LRRC4C: variants seen among roughly 807,000 people sequenced by gnomAD.
LRRC4C encodes leucine rich repeat containing 4C.
In LRRC4C, 5 loss-of-function variants were observed where a neutral mutation model predicts 33.6. The observed-to-expected ratio is 0.15, with a 90% CI of 0.08 to 0.31. LRRC4C has a LOEUF of 0.31. Among genes scored for constraint, LRRC4C ranks in the 10% least tolerant of loss-of-function variants. The probability of loss-of-function intolerance (pLI) is 1.00; values close to 1 mark genes in which losing one functional copy is unlikely to be tolerated. For synonymous variants in LRRC4C, 329 were observed against 302.0 expected (o/e 1.09, Z -0.93); for missense variants, 560 against 796.7 (o/e 0.70, Z 3.58).
intron 1 of LRRC4C, among the ~76,000 whole-genome samples, chr11:41,027,645 G>A (rs1422427179): frequency 6.6e-6 from 1 of 151,494 alleles, no homozygotes; most frequent in Non-Finnish European, 1.5e-5. Context: ...CTTTCTCCTA[G>A]GAAAACAACT....
intron 3 of LRRC4C, among the ~76,000 whole-genome samples, chr11:40,473,522 A>T (rs1245869893): frequency 6.6e-6 from 1 of 152,190 alleles, no homozygotes; most frequent in Non-Finnish European, 1.5e-5. Flanking sequence ...AACTGGAAGC[A>T]TTCCCTTTGA....
At chr11:40,584,881 G>A (rs894721054) in intron 3 of LRRC4C, among the ~76,000 whole-genome samples, 6 of 150,394 alleles carry the variant, frequency 4.0e-5, no homozygotes, top group Middle Eastern at 3.2e-3. Flanking sequence ...GCAGTGAGCC[G>A]AGATCATGCC....
Position 40,978,624 on chromosome 11 carries a change from G to GTT in LRRC4C, c.-495-44903_-495-44902dup, listed in dbSNP as rs80021460. Among the ~76,000 whole-genome samples the GTT allele has an allele frequency of 2.7e-3, 372 of 138,236 alleles. 1 individual carries two copies. Among genetic ancestry groups the GTT allele is most frequent in the African/African-American group, 8.2e-3 (311 of 37,756 alleles). 90.7% of individuals were successfully genotyped at this position (138,236 alleles called of 152,430 possible). A position where few individuals can be genotyped will look rare whatever the true frequency, so the allele number is the denominator to read the frequency against. On this transcript the variant is annotated intron_variant, in intron 1 of 6. Transcript: ENST00000528697. ...TCTCATGCCCCTCTTTCTTTTTACT[G>GTT]TTTTTTTTTTTTTTTGATATGGAGT...
intron 4 of LRRC4C, among the ~76,000 whole-genome samples, chr11:40,290,883 G>A (rs1203731160): frequency 6.6e-6 from 1 of 152,066 alleles, no homozygotes; most frequent in Non-Finnish European, 1.5e-5. Context: ...CAGGACCAAT[G>A]TGCCTTCCTT....
At chr11:40,673,216 T>C (rs1453614116) in intron 2 of LRRC4C, among the ~76,000 whole-genome samples, 1 of 152,166 alleles carries the variant, frequency 6.6e-6, no homozygotes, top group Non-Finnish European at 1.5e-5. Flanking sequence ...AGCTGAACTT[T>C]AGGAAACATT....
At chr11:40,958,884 C>T (rs1041832721) in intron 1 of LRRC4C, among the ~76,000 whole-genome samples, 2 of 151,616 alleles carry the variant, frequency 1.3e-5, no homozygotes, top group Non-Finnish European at 3.0e-5. Flanking sequence ...CATGTCACTG[C>T]TGGGCAAGTT....
chr11:40,391,483 C>A (rs1378370695), intron 3 of LRRC4C, among the ~76,000 whole-genome samples: 1 of 152,242 alleles, frequency 6.6e-6, no homozygotes, highest in African/African-American at 2.4e-5. Flanking sequence ...CTGTGATGTA[C>A]CACTATTGTC....
At chr11:41,396,649 G>A (rs1953829130) in intron 1 of LRRC4C, among the ~76,000 whole-genome samples, 1 of 151,966 alleles carries the variant, frequency 6.6e-6, no homozygotes. Context: ...GTGCAGGTTT[G>A]TTATACAGGT....
chr11:40,426,915 T>C (rs1389919172), intron 3 of LRRC4C, among the ~76,000 whole-genome samples: 1 of 152,332 alleles, frequency 6.6e-6, no homozygotes, highest in African/African-American at 2.4e-5. Context: ...CTCTTTTTTC[T>C]GGTCAAGTTT....
intron 3 of LRRC4C, among the ~76,000 whole-genome samples, chr11:40,504,782 T>A (rs1056520590): frequency 6.6e-6 from 1 of 152,170 alleles, no homozygotes; most frequent in Non-Finnish European, 1.5e-5. Context: ...ACATTTTATG[T>A]TTTATTTAGA....
In LRRC4C at chr11:40,838,133, T is replaced by C. The variant is rs375780282; in HGVS notation, c.-407+95502A>G. Among the ~76,000 whole-genome samples, 28 of 152,252 alleles carry C rather than the reference T, an allele frequency of 1.8e-4. No individual in the cohort carries two copies. The South Asian group carries it at 5.2e-3, about 28-fold the overall frequency. On this transcript the variant is annotated intron_variant, in intron 2 of 6. Coordinates refer to ENST00000528697, the MANE Select transcript of LRRC4C (RefSeq NM_001258419.2). Reference sequence around the variant, plus strand: ...ATGTAACTTTTCTGAGAACTCCAGGTGAACTGAAAACTCTACCTTCTTTTA... The same window carrying C: ...ATGTAACTTTTCTGAGAACTCCAGGCGAACTGAAAACTCTACCTTCTTTTA...
chr11:41,266,286 G>T (rs181873137), intron 1 of LRRC4C, among the ~76,000 whole-genome samples: 6 of 152,050 alleles, frequency 3.9e-5, no homozygotes, highest in African/African-American at 7.2e-5. Flanking sequence ...TTACAACTTT[G>T]CAGAGATGGG....
At chr11:40,984,395 G>GAA (rs1173264488) in intron 1 of LRRC4C, among the ~76,000 whole-genome samples, 3 of 85,370 alleles carry the variant, frequency 3.5e-5, no homozygotes, top group African/African-American at 1.1e-4. Context: ...AAGAAAGAAA[G>GAA]AAAGAAAGAA....
intron 2 of LRRC4C, among the ~76,000 whole-genome samples, chr11:40,836,617 G>C (rs573637734): frequency 6.6e-6 from 1 of 152,096 alleles, no homozygotes; most frequent in East Asian, 1.9e-4. Flanking sequence ...GAAAAGTCCT[G>C]TGTCCCATAG....
intron 5 of LRRC4C, among the ~76,000 whole-genome samples, chr11:40,143,416 C>A (rs1307926089): frequency 6.6e-6 from 1 of 152,148 alleles, no homozygotes; most frequent in African/African-American, 2.4e-5. Context: ...TCTTTGATCT[C>A]ATTTTCCTAC....
At chr11:41,268,903 A>G (rs1248389904) in intron 1 of LRRC4C, among the ~76,000 whole-genome samples, 1 of 152,100 alleles carries the variant, frequency 6.6e-6, no homozygotes, top group Non-Finnish European at 1.5e-5. Flanking sequence ...AAAATACAGC[A>G]TAAATGCACA....
At chr11:41,153,035 T>C (rs1944067186) in intron 1 of LRRC4C, among the ~76,000 whole-genome samples, 2 of 152,174 alleles carry the variant, frequency 1.3e-5, no homozygotes, top group South Asian at 4.1e-4. Flanking sequence ...ACCAACTCCA[T>C]CTCATACTCT....
rs1253599588 is a variant in LRRC4C, at chr11:40,539,697, C to T, written c.-270+108445G>A. ...AGAATGTCAAGATAGATGAAGAGTC[C>T]TTTCATTGGTTTGTAATCTGGTAGA... is the stretch of plus-strand genomic sequence containing the variant. On this transcript the variant is annotated intron_variant, in intron 3 of 6. Transcript: ENST00000528697. 3.9e-5 allele frequency among the ~76,000 whole-genome samples: 6 copies of T among 152,108 alleles called. No homozygotes were observed. In the East Asian group the frequency reaches 9.7e-4, roughly 25 times the overall value.
intron 1 of LRRC4C, among the ~76,000 whole-genome samples, chr11:41,002,659 G>A (rs148896885): frequency 6.6e-6 from 1 of 152,250 alleles, no homozygotes; most frequent in African/African-American, 2.4e-5. Flanking sequence ...CAATTTAGTA[G>A]TTTTGAGTAG....
Sources: gnomAD v4.1 joint callset for allele counts (sites outside exome capture counted in the v4.1 genomes callset) on GRCh38, gnomAD v4.1.1 for gene constraint, MANE v1.5 for transcripts, NCBI Gene and HGNC (gene_info 2026-07-23, HGNC 2026-07-21) for gene names.